The following MTPN variants were observed in gnomAD, a reference collection of about 807,000 sequenced individuals.
MTPN encodes the protein myotrophin.
A neutral mutation model predicts 13.5 loss-of-function variants in MTPN; 2 were observed. The observed-to-expected ratio is 0.15, with a 90% confidence interval of 0.06 to 0.47. MTPN has a LOEUF of 0.47. Ranked by LOEUF, MTPN falls within the 20% of genes least tolerant of loss-of-function variation. MTPN has a pLI of 0.97. For missense variants in MTPN, 79 were observed against 137.9 expected (o/e 0.57, Z 2.14); for synonymous variants, 46 against 51.7 (o/e 0.89, Z 0.48).
chr7:135,946,316 T>A (rs921928954), intron 3 of MTPN, among the ~76,000 whole-genome samples: 11 of 152,176 alleles, frequency 7.2e-5, no homozygotes, highest in African/African-American at 2.7e-4. Context: ...TTAAAAAATC[T>A]TTTCAAAAAT....
chr7:135,958,786 T>C (rs79275078), intron 1 of MTPN, among the ~76,000 whole-genome samples: 8,585 of 152,244 alleles, frequency 0.056, 285 homozygotes, highest in East Asian at 0.093. Context: ...AGACCTACCA[T>C]CTGCTGATCC....
intron 1 of MTPN, among the ~76,000 whole-genome samples, chr7:135,971,825 C>T (rs1474480494): frequency 2.6e-5 from 4 of 151,766 alleles, no homozygotes; most frequent in African/African-American, 9.7e-5. Flanking sequence ...TTGTTTCTTC[C>T]TAAGGCAAAC....
chr7:135,936,145 G>A (rs568643854), intron 3 of MTPN, among the ~76,000 whole-genome samples: 103 of 152,160 alleles, frequency 6.8e-4, no homozygotes, highest in Non-Finnish European at 8.1e-4. Flanking sequence ...TAGTCTTTGC[G>A]ATCCCAAGGC....
chr7:135,953,538 C>T (rs1055766232), intron 1 of MTPN, among the ~76,000 whole-genome samples: 1 of 152,148 alleles, frequency 6.6e-6, no homozygotes, highest in African/African-American at 2.4e-5. Flanking sequence ...TTAAATATCA[C>T]ACTAGCTAAT....
intron 1 of MTPN, among the ~76,000 whole-genome samples, chr7:135,961,176 C>T (rs528891639): frequency 1.3e-5 from 2 of 152,022 alleles, no homozygotes; most frequent in South Asian, 4.1e-4. Context: ...AAGAAAAAGA[C>T]GATTGGCATT....
At chr7:135,942,613 G>A (rs943073821) in intron 3 of MTPN, among the ~76,000 whole-genome samples, 5 of 152,166 alleles carry the variant, frequency 3.3e-5, no homozygotes, top group South Asian at 4.1e-4. Flanking sequence ...AGACTACTAC[G>A]GTGATTAAAT....
In MTPN at chr7:135,930,004, A is replaced by G. The variant is rs954657078; in HGVS notation, c.279T>C (p.Asp93=). 2 of 1,613,206 alleles carry G rather than the reference A, an allele frequency of 1.2e-6. No individual in the cohort carries two copies. Among genetic ancestry groups the G allele is most frequent in the African/African-American group, 2.7e-5 (2 of 74,916 alleles). ...GTCCATCTGGGCCTTTCACAGTCTT[A>G]TCAGCACCCTGGAAAAGAGAGGAAA... ...CVKLLLSKGA[D]KTVKGPDGLT... The change falls in exon 4 of 4, where the codon GAT becomes GAC. Residue 93 remains aspartate (D), a synonymous_variant. Coordinates refer to ENST00000393085, the MANE Select transcript of MTPN (RefSeq NM_145808.4).
At chr7:135,975,648 C>G (rs1413405126) in intron 1 of MTPN, among the ~76,000 whole-genome samples, 1 of 152,098 alleles carries the variant, frequency 6.6e-6, no homozygotes, top group African/African-American at 2.4e-5. Context: ...AACAAAAGCC[C>G]ACTTACTTCC....
At chr7:135,952,769 C>T (rs891041028) in intron 1 of MTPN, among the ~76,000 whole-genome samples, 4 of 152,102 alleles carry the variant, frequency 2.6e-5, no homozygotes, top group Admixed American at 6.5e-5. Flanking sequence ...CAAGACCAGC[C>T]TGGGAAACAT....
chr7:135,966,078 TA>T (rs1799599748), intron 1 of MTPN, among the ~76,000 whole-genome samples: 2 of 152,088 alleles, frequency 1.3e-5, no homozygotes, highest in South Asian at 4.1e-4. Flanking sequence ...TCAGACTGAT[TA>T]ATAGACATGT....
chr7:135,947,628 C>T (rs1799305823), intron 3 of MTPN, among the ~76,000 whole-genome samples: 1 of 151,986 alleles, frequency 6.6e-6, no homozygotes, highest in African/African-American at 2.4e-5. Context: ...TGTTCCATTT[C>T]TCATTAACTG....
chr7:135,958,298 G>A (rs1285885843), intron 1 of MTPN, among the ~76,000 whole-genome samples: 1 of 152,152 alleles, frequency 6.6e-6, no homozygotes, highest in African/African-American at 2.4e-5. Context: ...ATGTCTGTGG[G>A]TGACTTGTGC....
chr7:135,950,556 ACACAGT>A, intron 3 of MTPN, 37 bp downstream of exon 3: 1 of 1,433,928 alleles, frequency 7.0e-7, no homozygotes, highest in African/African-American at 1.4e-5. Flanking sequence ...CTTGGCTTAA[ACACAGT>A]AATAGAAAAA....
At position 135,929,977 on chromosome 7, in the gene MTPN, C is replaced by G; in HGVS notation, c.306G>C (p.Leu102=). 1.2e-6 allele frequency: 2 copies of G among 1,613,824 alleles called. No homozygotes were observed. Among genetic ancestry groups the G allele is most frequent in the Non-Finnish European group, 1.7e-6 (2 of 1,179,862 alleles). ...GGTTGTCAGTGGCTTCAAAGGCGGT[C>G]AGTCCATCTGGGCCTTTCACAGTCT... ...ADKTVKGPDG[L]TAFEATDNQA... Residue 102 remains leucine (L), a synonymous_variant, in exon 4 of 4, where the codon CTG becomes CTC. Transcript: ENST00000393085.
At chr7:135,974,832 G>A (rs994954991) in intron 1 of MTPN, among the ~76,000 whole-genome samples, 1 of 152,204 alleles carries the variant, frequency 6.6e-6, no homozygotes, top group Non-Finnish European at 1.5e-5. Context: ...CTGTGGGGCA[G>A]AAGAAACTGT....
rs182880832 is a variant in MTPN, at chr7:135,972,854, C to A, written c.72+4175G>T. ...TTTTTCTGTTAGAGGTGATACTTAC[C>A]CTAGGAGGGTAAATAGGAGTTTAAC... On this transcript the variant is annotated intron_variant, in intron 1 of 3. Transcript: ENST00000393085. 7.4e-4 allele frequency among the ~76,000 whole-genome samples: 112 copies of A among 150,914 alleles called. 2 individuals are homozygous for A. The Middle Eastern group carries it at 0.017, about 23-fold the overall frequency.
At chr7:135,976,974 G>T in intron 1 of MTPN, 55 bp downstream of exon 1, 1 of 1,091,352 alleles carries the variant, frequency 9.2e-7, no homozygotes, top group Non-Finnish European at 1.3e-6. Flanking sequence ...AGCTTCCTCA[G>T]CCTCATCTCC....
rs566420925 is a variant in MTPN at position 135,939,971 on chromosome 7, A to G, written c.271-9959T>C. ...GAACACAAGCATCCAAATTAAAAGG[A>G]AAAATTATTTTTTTAAAAATACTAT... On this transcript the variant is annotated intron_variant, in intron 3 of 3. Coordinates refer to ENST00000393085, the MANE Select transcript of MTPN (RefSeq NM_145808.4). Among the ~76,000 whole-genome samples, 4 of 150,498 alleles carry G rather than the reference A, an allele frequency of 2.7e-5. No homozygotes were observed. The South Asian group carries it at 8.3e-4, about 31-fold the overall frequency.
rs1799037375 is a variant in MTPN at position 135,932,393 on chromosome 7, C to G, written c.271-2381G>C. ...TTGATTCTGCAACTAGGCCAGTCAT[C>G]TTTTCAAAAATTCCTTTTCTGCTTG... is the stretch of plus-strand genomic sequence containing the variant. On this transcript the variant is annotated intron_variant, in intron 3 of 3. Coordinates refer to ENST00000393085, the MANE Select transcript of MTPN (RefSeq NM_145808.4). The G allele has an allele frequency of 2.0e-5, 3 of 152,004 alleles. No individual in the cohort carries two copies. The South Asian group carries it at 6.2e-4, about 31-fold the overall frequency. The allele number at this position is 152,004 out of a possible 1,614,324, so 9.4% of individuals were successfully genotyped here.
Sources: gnomAD v4.1 joint callset for allele counts (sites outside exome capture counted in the v4.1 genomes callset) on GRCh38, gnomAD v4.1.1 for gene constraint, MANE v1.5 for transcripts, NCBI Gene and HGNC (gene_info 2026-07-23, HGNC 2026-07-21) for gene names.